Variants in ACYP1 observed in about 807,000 individuals in gnomAD.
ACYP1 encodes acylphosphatase-1.
In ACYP1, 8 loss-of-function variants were observed where a neutral mutation model predicts 10.4. The observed-to-expected ratio is 0.77, with a 90% CI of 0.45 to 1.38. ACYP1 has a LOEUF of 1.38. Among genes scored for constraint, ACYP1 ranks in the 40% most tolerant of loss-of-function variants. The probability of loss-of-function intolerance (pLI) is 0.00; values close to 1 mark genes in which losing one functional copy is unlikely to be tolerated. For synonymous variants in ACYP1, 38 were observed against 40.8 expected, an observed-to-expected ratio of 0.93 and a Z score of 0.26; for missense variants, 93 against 117.3, an observed-to-expected ratio of 0.79 and a Z score of 0.96.
chr14:75,061,202 T>C (rs1244865516), intron 2 of ACYP1, among the ~76,000 whole-genome samples: 1 of 152,184 alleles, frequency 6.6e-6, no homozygotes, highest in Non-Finnish European at 1.5e-5. Flanking sequence ...GGGTTTCTTT[T>C]TGGGATGATG....
At position 75,055,131 on chromosome 14, in the gene ACYP1, G is replaced by A. The variant is rs376815428; in HGVS notation, c.85-1472C>T. Reference sequence around the variant, plus strand: ...AGACGGAGTCTCGCTCTGTCGCCCAGACTGGAGTGCAGTGGCGTGATCTCA... The same window carrying A: ...AGACGGAGTCTCGCTCTGTCGCCCAAACTGGAGTGCAGTGGCGTGATCTCA... On this transcript the variant is annotated intron_variant, in intron 2 of 2. Coordinates refer to ENST00000238618, the MANE Select transcript of ACYP1 (RefSeq NM_001107.5). Among the ~76,000 whole-genome samples, 475 of 122,072 alleles carry A rather than the reference G, an allele frequency of 3.9e-3. 2 individuals are homozygous for A. Among genetic ancestry groups the A allele is most frequent in the Middle Eastern group, 7.0e-3 (1 of 142 alleles). 80.1% of individuals were successfully genotyped at this position (122,072 alleles called of 152,430 possible).
At chr14:75,063,182 G>A (rs1475666194) in intron 2 of ACYP1, 5 of 385,152 alleles carry the variant, frequency 1.3e-5, no homozygotes, top group Non-Finnish European at 2.4e-5. Flanking sequence ...ATGCCACAAC[G>A]GCGAGCACTG....
intron 2 of ACYP1, among the ~76,000 whole-genome samples, chr14:75,058,741 A>C (rs901040709): frequency 6.2e-5 from 9 of 146,216 alleles, no homozygotes; most frequent in Admixed American, 1.3e-4. Context: ...AAAGGGTGCT[A>C]TGACGAATGT....
intron 2 of ACYP1, among the ~76,000 whole-genome samples, chr14:75,062,597 C>T (rs1042718489): frequency 2.8e-5 from 4 of 143,674 alleles, no homozygotes; most frequent in Admixed American, 7.5e-5. Context: ...GGATGGATCA[C>T]GAGGCCAGGA....
At chr14:75,069,027 G>T (rs753148034) in intron 1 of ACYP1, among the ~76,000 whole-genome samples, 11 of 152,338 alleles carry the variant, frequency 7.2e-5, no homozygotes, top group Admixed American at 2.0e-4. Context: ...ACATTTGGCT[G>T]AGTCATTCCT....
At chr14:75,054,930 T>C (rs1316023265) in intron 2 of ACYP1, among the ~76,000 whole-genome samples, 2 of 151,504 alleles carry the variant, frequency 1.3e-5, no homozygotes, top group Non-Finnish European at 2.9e-5. Context: ...TGCCCTCTTC[T>C]GCTTCAAATT....
upstream of ACYP1, chr14:75,064,028 C>T: frequency 1.0e-6 from 1 of 988,240 alleles, no homozygotes; most frequent in Non-Finnish European, 1.2e-6. Flanking sequence ...GGCGCGCAAA[C>T]CTCCGCGCCC....
upstream of ACYP1, chr14:75,064,327 A>G (rs944218277): frequency 1.3e-5 from 2 of 152,242 alleles, no homozygotes; most frequent in Admixed American, 1.3e-4. Context: ...CAATCATTCA[A>G]TTAAATACTG....
intron 2 of ACYP1, among the ~76,000 whole-genome samples, chr14:75,054,824 CGCT>C (rs1451864604): frequency 6.6e-6 from 1 of 151,442 alleles, no homozygotes; most frequent in African/African-American, 2.4e-5. Flanking sequence ...CTACCTGATG[CGCT>C]GCTAAGTGCC....
chr14:75,060,106 A>G, intron 2 of ACYP1: 1 of 525,264 alleles, frequency 1.9e-6, no homozygotes. Context: ...TTTCTATGTT[A>G]TATGTATTCT....
intron 2 of ACYP1, among the ~76,000 whole-genome samples, chr14:75,060,935 T>C (rs1219157306): frequency 2.6e-5 from 4 of 151,996 alleles, no homozygotes; most frequent in African/African-American, 9.7e-5. Context: ...GGCATGGTGG[T>C]GCATGCCTGT....
Position 75,053,249 on chromosome 14 carries a change from TCTAACG to T in ACYP1, c.*189_*194del. 1 of 591,050 alleles carries T rather than the reference TCTAACG, an allele frequency of 1.7e-6. No homozygotes were observed. Among genetic ancestry groups the T allele is most frequent in the Middle Eastern group, 4.6e-4 (1 of 2,178 alleles). The allele number at this position is 591,050 out of a possible 1,614,324, so 36.6% of individuals were successfully genotyped here. On this transcript the variant is annotated 3_prime_UTR_variant, in exon 3 of 3. Coordinates refer to ENST00000238618, the MANE Select transcript of ACYP1 (RefSeq NM_001107.5). Reference sequence around the variant, plus strand: ...TTTAAAAGTACTCTAAGCAGAAGGTTCTAACGTTTTTATTGATTAGATTTGTGTACA... The same window carrying T: ...TTTAAAAGTACTCTAAGCAGAAGGTTTTTTTATTGATTAGATTTGTGTACA...
upstream of ACYP1, among the ~76,000 whole-genome samples, chr14:75,065,037 T>C (rs1893119521): frequency 6.6e-6 from 1 of 152,214 alleles, no homozygotes; most frequent in Non-Finnish European, 1.5e-5. Flanking sequence ...GCTCCAGAAT[T>C]ACAGTTGAGT....
At chr14:75,061,095 C>CAAT (rs1376073595) in intron 2 of ACYP1, among the ~76,000 whole-genome samples, 2 of 151,730 alleles carry the variant, frequency 1.3e-5, no homozygotes, top group Non-Finnish European at 2.9e-5. Context: ...ACAACAACAA[C>CAAT]AACAACAATC....
intron 2 of ACYP1, among the ~76,000 whole-genome samples, chr14:75,062,269 G>GAA (rs748467575): frequency 4.5e-5 from 5 of 110,600 alleles, no homozygotes; most frequent in Admixed American, 1.9e-4. Flanking sequence ...TGTTAAAAGA[G>GAA]AAAAAAAAAA....
At chr14:75,060,414 G>C (rs749720039) in intron 2 of ACYP1, among the ~76,000 whole-genome samples, 8 of 152,168 alleles carry the variant, frequency 5.3e-5, no homozygotes, top group Admixed American at 2.0e-4. Flanking sequence ...AGCTACTTTG[G>C]AAAAGTTTGG....
At chr14:75,064,934 G>C (rs1409853959), upstream of ACYP1, among the ~76,000 whole-genome samples, 6 of 152,060 alleles carry the variant, frequency 3.9e-5, no homozygotes, top group Admixed American at 2.6e-4. Context: ...GCTACTCACC[G>C]GTCTCCTTTA....
chr14:75,065,925 GC>G (rs1251872729), upstream of ACYP1, among the ~76,000 whole-genome samples: 7 of 152,220 alleles, frequency 4.6e-5, no homozygotes. Context: ...AGTATGTGGA[GC>G]TTAGAGTAAT....
At chr14:75,060,699 T>TG (rs1414283928) in intron 2 of ACYP1, among the ~76,000 whole-genome samples, 1 of 151,678 alleles carries the variant, frequency 6.6e-6, no homozygotes, top group African/African-American at 2.4e-5. Flanking sequence ...AGATAAACCT[T>TG]GAAAACAATA....
Sources: allele counts gnomAD v4.1 joint callset (sites outside exome capture counted in the v4.1 genomes callset), GRCh38; gene constraint gnomAD v4.1.1; transcripts MANE v1.5; gene names NCBI Gene and HGNC (gene_info 2026-07-23, HGNC 2026-07-21).